ALDH3B2: variants seen among roughly 807,000 people sequenced by gnomAD.
The protein encoded by ALDH3B2 is aldehyde dehydrogenase 3 family member B2.
Under a neutral mutation model 36.7 loss-of-function variants are expected in ALDH3B2, and 45 were observed. The ratio of observed to expected loss-of-function variants is 1.23; its 90% CI spans 0.97 to 1.57. The LOEUF (loss-of-function observed/expected upper bound fraction) is 1.57. Ranked by LOEUF, ALDH3B2 falls within the 40% of genes most tolerant of loss-of-function variation. ALDH3B2 has a pLI of 0.00. For missense variants in ALDH3B2, 464 were observed against 513.3 expected (o/e 0.90, Z 0.93); for synonymous variants, 217 against 226.5 (o/e 0.96, Z 0.38).
exon 10 of ALDH3B2, chr11:67,662,923 G>T: frequency 2.3e-6 from 1 of 440,600 alleles, no homozygotes; most frequent in Non-Finnish European, 4.1e-6. Flanking sequence ...CCTGTGACTG[G>T]GTCTGGCCAA....
intron 8 of ALDH3B2, 133 bp downstream of exon 8, chr11:67,664,263 A>G: frequency 7.3e-7 from 1 of 1,373,056 alleles, no homozygotes; most frequent in Non-Finnish European, 1.0e-6. Context: ...CAGTGGTACC[A>G]GGTGGCCTAG....
At chr11:67,665,162 A>G (rs1242243194) in intron 7 of ALDH3B2, 123 bp downstream of exon 7, 1 of 1,490,670 alleles carries the variant, frequency 6.7e-7, no homozygotes, top group East Asian at 2.3e-5. Flanking sequence ...CCATGGCTCA[A>G]GGCCGGGCTC....
Position 67,663,774 on chromosome 11 carries a change from GAGAAGGTGGGT to G in ALDH3B2, c.874-24_874-14del. The G allele has an allele frequency of 6.2e-7, 1 of 1,604,554 alleles. No homozygotes were observed. Among genetic ancestry groups the G allele is most frequent in the East Asian group, 2.2e-5 (1 of 44,492 alleles). ...TCTGGTTCACAACCTGCCAGGGAGT[GAGAAGGTGGGT>G]GTTGGGCTCTAGTCATGAGAAGAGG... On this transcript the variant is annotated splice_polypyrimidine_tract_variant and intron_variant, in intron 8 of 9. Coordinates refer to ENST00000349015, the Ensembl canonical transcript of ALDH3B2.
exon 1 of ALDH3B2, chr11:67,674,565 C>T (rs1856221863): frequency 6.4e-6 from 1 of 157,182 alleles, no homozygotes; most frequent in South Asian, 2.0e-4. Flanking sequence ...TGCGATCCTC[C>T]CAGGAGACTG....
At position 67,669,788 on chromosome 11, in the gene ALDH3B2, G is replaced by A. The variant is rs530888294; in HGVS notation, c.-244-2153C>T. Among the ~76,000 whole-genome samples, 6 of 133,978 alleles carry A rather than the reference G, an allele frequency of 4.5e-5. 1 individual carries two copies. Among genetic ancestry groups the A allele is most frequent in the Non-Finnish European group, 1.6e-5 (1 of 63,080 alleles). 87.9% of individuals were successfully genotyped at this position (133,978 alleles called of 152,430 possible). ...TGTGTGTGTATGGGTGTCTGTGTGT[G>A]TATGGGTGTGTGTGTCCACGTGTGT... On this transcript the variant is annotated intron_variant, in intron 1 of 9. Transcript: ENST00000349015.
intron 1 of ALDH3B2, among the ~76,000 whole-genome samples, chr11:67,670,759 G>A (rs1180688462): frequency 6.6e-6 from 1 of 152,180 alleles, no homozygotes. Flanking sequence ...CCTCCCCTGG[G>A]CAGCGTGATC....
chr11:67,666,637 TG>T lies in ALDH3B2; in HGVS notation c.87del (p.Ile30SerfsTer8). 1 of 1,613,980 alleles carries T rather than the reference TG, an allele frequency of 6.2e-7. No homozygotes were observed. The highest frequency in any genetic ancestry group is 8.5e-7 in the Non-Finnish European group (1 of 1,179,972). On this transcript the variant is annotated frameshift_variant, in exon 4 of 10. Coordinates refer to ENST00000349015, the Ensembl canonical transcript of ALDH3B2. LOFTEE classifies it high-confidence loss of function. ...TTCAGTGGGTAGTTCCAGGGTGCGATGATGAGGACCAGGCCAAAGGGTTCCT... is the reference window on the plus strand; with the variant it reads ...TTCAGTGGGTAGTTCCAGGGTGCGATATGAGGACCAGGCCAAAGGGTTCCT...
intron 1 of ALDH3B2, among the ~76,000 whole-genome samples, chr11:67,680,175 G>A (rs1236801212): frequency 6.6e-6 from 1 of 151,844 alleles, no homozygotes; most frequent in Non-Finnish European, 1.5e-5. Context: ...TTAGCCGGGC[G>A]TGGTGATGCG....
chr11:67,664,690 G>A (rs1216955020), intron 7 of ALDH3B2, 128 bp from the exon 8 acceptor site: 36 of 1,349,794 alleles, frequency 2.7e-5, no homozygotes, highest in Non-Finnish European at 2.6e-5. Flanking sequence ...ACTTCCCAGC[G>A]CTTCAGGCTT....
intron 1 of ALDH3B2, among the ~76,000 whole-genome samples, chr11:67,670,789 C>A (rs1293872955): frequency 6.6e-6 from 1 of 152,212 alleles, no homozygotes. Context: ...GCACAGGACC[C>A]CCACACTCAG....
chr11:67,663,055 C>G (rs1053193204), exon 10 of ALDH3B2: 19 of 934,454 alleles, frequency 2.0e-5, no homozygotes, highest in Non-Finnish European at 2.7e-5. Flanking sequence ...CAAGACCTTG[C>G]TTTGCAGCCC....
intron 7 of ALDH3B2, 126 bp from the exon 8 acceptor site, chr11:67,664,688 G>C: frequency 7.4e-7 from 1 of 1,358,436 alleles, no homozygotes; most frequent in Non-Finnish European, 9.8e-7. Flanking sequence ...TGACTTCCCA[G>C]CGCTTCAGGC....
chr11:67,666,445 C>G (rs370440921), intron 4 of ALDH3B2, 44 bp from the exon 5 acceptor site: 17 of 1,604,998 alleles, frequency 1.1e-5, no homozygotes, highest in Non-Finnish European at 1.7e-6. Flanking sequence ...CCCAGGGTCC[C>G]CATGCCCAAC....
intron 1 of ALDH3B2, among the ~76,000 whole-genome samples, chr11:67,673,213 A>G (rs1856181339): frequency 6.6e-6 from 1 of 152,128 alleles, no homozygotes; most frequent in Non-Finnish European, 1.5e-5. Context: ...TACAGGCAAA[A>G]TAAACTTTAT....
chr11:67,665,448 G>A (rs773942926), exon 7 of ALDH3B2: 40 of 1,613,916 alleles, frequency 2.5e-5, no homozygotes, highest in South Asian at 9.9e-5. Flanking sequence ...TCTGCAGGGC[G>A]GGCAGCAGCC....
chr11:67,674,246 A>G (rs1240974396), intron 1 of ALDH3B2, among the ~76,000 whole-genome samples, 190 bp downstream of exon 1: 1 of 152,056 alleles, frequency 6.6e-6, no homozygotes, highest in East Asian at 1.9e-4. Context: ...AGAAGACACC[A>G]GCACCCACCT....
At chr11:67,677,917 G>A (rs190166829), upstream of ALDH3B2, among the ~76,000 whole-genome samples, 57 of 151,932 alleles carry the variant, frequency 3.8e-4, no homozygotes, top group African/African-American at 1.3e-3. Context: ...AAAAGAAGTC[G>A]AAAGACCTCT....
intron 1 of ALDH3B2, among the ~76,000 whole-genome samples, chr11:67,680,542 G>A (rs1856351268): frequency 1.3e-5 from 2 of 151,930 alleles, no homozygotes; most frequent in Non-Finnish European, 2.9e-5. Context: ...TCGGCCTCCT[G>A]AGTAGCTGGG....
chr11:67,678,287 A>G (rs564937337), upstream of ALDH3B2, among the ~76,000 whole-genome samples: 1 of 152,296 alleles, frequency 6.6e-6, no homozygotes, highest in East Asian at 1.9e-4. Context: ...AGACCAATGG[A>G]ACAGAATAGA....
Sources: gnomAD v4.1 joint callset for allele counts (sites outside exome capture counted in the v4.1 genomes callset) on GRCh38, gnomAD v4.1.1 for gene constraint, MANE v1.5 for transcripts, NCBI Gene and HGNC (gene_info 2026-07-23, HGNC 2026-07-21) for gene names.